Variants in SLC16A10 observed in about 807,000 individuals in gnomAD.
SLC16A10 encodes the protein monocarboxylate transporter 10.
In SLC16A10, 27 loss-of-function variants were observed where a neutral mutation model predicts 40.0. The observed-to-expected ratio is 0.67, with a 90% CI of 0.50 to 0.93. The LOEUF (loss-of-function observed/expected upper bound fraction) is 0.93. Among genes scored for constraint, SLC16A10 ranks in the 40% least tolerant of loss-of-function variants. The pLI is 0.00. For synonymous variants in SLC16A10, 213 were observed against 249.8 expected (o/e 0.85, Z 1.39); for missense variants, 529 against 658.2 (o/e 0.80, Z 2.15).
intron 3 of SLC16A10, among the ~76,000 whole-genome samples, chr6:111,194,632 T>C (rs919848696): frequency 1.7e-4 from 14 of 82,154 alleles, no homozygotes; most frequent in Non-Finnish European, 4.0e-4. Flanking sequence ...ATATTGATGA[T>C]TGAATTTATG....
chr6:111,147,230 C>T (rs1583327902), intron 1 of SLC16A10, among the ~76,000 whole-genome samples: 1 of 152,118 alleles, frequency 6.6e-6, no homozygotes, highest in South Asian at 2.1e-4. Flanking sequence ...AAAATAGTTA[C>T]ATGAGAAAAA....
At chr6:111,107,171 GA>G (rs201192788) in intron 1 of SLC16A10, among the ~76,000 whole-genome samples, 19 of 151,924 alleles carry the variant, frequency 1.3e-4, no homozygotes, top group African/African-American at 4.1e-4. Context: ...TGTACACTAT[GA>G]AAAAAAACTG....
intron 1 of SLC16A10, among the ~76,000 whole-genome samples, chr6:111,160,049 ATCT>A (rs1411120378): frequency 5.9e-5 from 9 of 152,000 alleles, no homozygotes; most frequent in Non-Finnish European, 1.2e-4. Context: ...TAATTTGCAA[ATCT>A]TCTCTCTCAG....
intron 4 of SLC16A10, among the ~76,000 whole-genome samples, chr6:111,211,218 A>G (rs1241357008): frequency 3.3e-5 from 5 of 152,184 alleles, no homozygotes; most frequent in African/African-American, 9.7e-5. Flanking sequence ...GCTGTAATAG[A>G]TAAAGTCATG....
At chr6:111,163,018 A>G (rs1311400105) in intron 1 of SLC16A10, among the ~76,000 whole-genome samples, 2 of 152,112 alleles carry the variant, frequency 1.3e-5, no homozygotes, top group Non-Finnish European at 2.9e-5. Flanking sequence ...ATTATAAACC[A>G]TCTTTTGAAA....
At chr6:111,104,478 A>G (rs987773605) in intron 1 of SLC16A10, among the ~76,000 whole-genome samples, 4 of 152,144 alleles carry the variant, frequency 2.6e-5, no homozygotes, top group Admixed American at 1.3e-4. Context: ...ATAATTTTTG[A>G]TCAGGGAGAC....
intron 4 of SLC16A10, 113 bp downstream of exon 4, chr6:111,206,848 G>A (rs1415812727): frequency 1.5e-6 from 2 of 1,359,466 alleles, no homozygotes; most frequent in Non-Finnish European, 2.0e-6. Flanking sequence ...TTCTTTTTGA[G>A]ATGGAGTTTC....
At position 111,206,677 on chromosome 6, in the gene SLC16A10, G is replaced by C; in HGVS notation, c.1028G>C (p.Arg343Pro). The change falls in exon 4 of 6, where the codon CGA (arginine) becomes CCA (proline). Residue 343 changes from arginine (R) to proline (P), a missense_variant. Arg to Pro is a moderately radical substitution (Grantham distance 103, BLOSUM62 -2). Coordinates refer to ENST00000368851, the MANE Select transcript of SLC16A10 (RefSeq NM_018593.5). ...ATTGGCGTCACTTCAGGAGTTGGACGACTGCTCTTTGGCCGGATTGCAGAT... is the reference window on the plus strand; with the variant it reads ...ATTGGCGTCACTTCAGGAGTTGGACCACTGCTCTTTGGCCGGATTGCAGAT... ...MCIGVTSGVG[R>P]LLFGRIADYV... 6.2e-7 allele frequency: 1 copy of C among 1,614,138 alleles called. No homozygotes were observed. The highest frequency in any genetic ancestry group is 8.5e-7 in the Non-Finnish European group (1 of 1,180,030).
At chr6:111,155,966 C>A (rs913525691) in intron 1 of SLC16A10, among the ~76,000 whole-genome samples, 1 of 152,042 alleles carries the variant, frequency 6.6e-6, no homozygotes. Flanking sequence ...ATAAGATTAG[C>A]CTGGAGCATC....
chr6:111,221,950 C>T (rs1770909489), intron 5 of SLC16A10, 53 bp from the exon 6 acceptor site: 1 of 1,541,998 alleles, frequency 6.5e-7, no homozygotes, highest in African/African-American at 1.4e-5. Context: ...TGATCTAGAC[C>T]CCCTACAGAG....
intron 1 of SLC16A10, among the ~76,000 whole-genome samples, chr6:111,165,097 A>G (rs1382385514): frequency 3.3e-5 from 5 of 152,210 alleles, no homozygotes; most frequent in East Asian, 3.8e-4. Context: ...TCATTGTCCA[A>G]TCTCCTAATT....
chr6:111,200,380 A>G (rs552761810), intron 3 of SLC16A10, among the ~76,000 whole-genome samples: 10 of 152,322 alleles, frequency 6.6e-5, no homozygotes, highest in African/African-American at 2.4e-4. Context: ...CAGTGGCCAT[A>G]AAGTTTTATT....
At chr6:111,113,009 A>C (rs1220313001) in intron 1 of SLC16A10, among the ~76,000 whole-genome samples, 1 of 152,218 alleles carries the variant, frequency 6.6e-6, no homozygotes, top group African/African-American at 2.4e-5. Flanking sequence ...GAGGAAGAAA[A>C]ACCAATAAAA....
intron 1 of SLC16A10, among the ~76,000 whole-genome samples, chr6:111,144,131 G>A (rs1477839215): frequency 6.6e-6 from 1 of 151,800 alleles, no homozygotes; most frequent in Non-Finnish European, 1.5e-5. Flanking sequence ...ATTTTACTGT[G>A]AATCCAAAAC....
chr6:111,162,445 C>T (rs1246308213), intron 1 of SLC16A10, among the ~76,000 whole-genome samples: 1 of 152,172 alleles, frequency 6.6e-6, no homozygotes, highest in Non-Finnish European at 1.5e-5. Context: ...GAACTCTGTA[C>T]AGGGACTGTG....
chr6:111,160,992 G>A (rs1285059092), intron 1 of SLC16A10, among the ~76,000 whole-genome samples: 1 of 152,064 alleles, frequency 6.6e-6, no homozygotes, highest in African/African-American at 2.4e-5. Context: ...GGATGCCAAG[G>A]CAGGTGGATC....
chr6:111,224,757 A>C lies in SLC16A10; in HGVS notation c.*2522A>C, dbSNP rs1770960282. 1 of 152,214 alleles carries C rather than the reference A, an allele frequency of 6.6e-6. No homozygotes were observed. The highest frequency in any genetic ancestry group is 1.5e-5 in the Non-Finnish European group (1 of 68,032). 9.4% of individuals were successfully genotyped at this position (152,214 alleles called of 1,614,324 possible). A position where few individuals can be genotyped will look rare whatever the true frequency, so the allele number is the denominator to read the frequency against. On this transcript the variant is annotated 3_prime_UTR_variant, in exon 6 of 6. Transcript: ENST00000368851. ...AGAAAATGAAAAATACTAATATAAAAATTTGTGCTTTAATCTAGTCAAACT... is the reference window on the plus strand; with the variant it reads ...AGAAAATGAAAAATACTAATATAAACATTTGTGCTTTAATCTAGTCAAACT...
chr6:111,091,104 A>T (rs182614947), intron 1 of SLC16A10: 1 of 152,302 alleles, frequency 6.6e-6, no homozygotes, highest in East Asian at 1.9e-4. Context: ...TTCTTTTCAG[A>T]TATGGGAACT....
intron 1 of SLC16A10, among the ~76,000 whole-genome samples, chr6:111,091,756 G>A (rs2114423536): frequency 6.6e-6 from 1 of 152,294 alleles, no homozygotes; most frequent in South Asian, 2.1e-4. Context: ...AATTTCTCAG[G>A]AAAGGGCCTG....
Sources: allele counts gnomAD v4.1 joint callset (sites outside exome capture counted in the v4.1 genomes callset), GRCh38; gene constraint gnomAD v4.1.1; transcripts MANE v1.5; gene names NCBI Gene and HGNC (gene_info 2026-07-23, HGNC 2026-07-21).